CCDC30: variants seen among roughly 807,000 people sequenced by gnomAD.
CCDC30 encodes coiled-coil domain-containing protein 30.
A neutral mutation model predicts 100.2 loss-of-function variants in CCDC30; 70 were observed. The observed-to-expected ratio is 0.70, with a 90% confidence interval of 0.58 to 0.85. The LOEUF is 0.85. CCDC30 is among the 40% of genes least tolerant of loss of function. The pLI, the probability that CCDC30 is intolerant of heterozygous loss-of-function variation, is 0.00. For missense variants in CCDC30, 652 were observed against 771.2 expected, an observed-to-expected ratio of 0.85 and a Z score of 1.83; for synonymous variants, 233 against 269.5, an observed-to-expected ratio of 0.86 and a Z score of 1.33.
intron 6 of CCDC30, among the ~76,000 whole-genome samples, chr1:42,530,607 T>G (rs1014220072): frequency 2.0e-5 from 3 of 152,128 alleles, no homozygotes; most frequent in Admixed American, 2.0e-4. Context: ...GCCCAGGAGT[T>G]TGAGACTAGC....
At position 42,497,190 on chromosome 1, in the gene CCDC30, GA is replaced by G. The variant is rs896812189; in HGVS notation, c.341del (p.Lys114ArgfsTer47). 2.2e-5 allele frequency: 27 copies of G among 1,233,682 alleles called. No homozygotes were observed. The highest frequency in any genetic ancestry group is 4.2e-5 in the Admixed American group (1 of 23,690). 76.4% of individuals were successfully genotyped at this position (1,233,682 alleles called of 1,614,324 possible). On this transcript the variant is annotated frameshift_variant, in exon 5 of 17. Coordinates refer to ENST00000668663, the Ensembl canonical transcript of CCDC30. LOFTEE classifies it high-confidence loss of function. ...AAATAGGGTTCGATCACTTGACTCAGAAAAAAAGGTGCTTGGTGAAATGGTA... is the reference window on the plus strand; with the variant it reads ...AAATAGGGTTCGATCACTTGACTCAGAAAAAAGGTGCTTGGTGAAATGGTA...
At chr1:42,475,229 G>A (rs1388115955) in intron 1 of CCDC30, among the ~76,000 whole-genome samples, 3 of 152,138 alleles carry the variant, frequency 2.0e-5, no homozygotes, top group Non-Finnish European at 2.9e-5. Context: ...GGAAAGCTGA[G>A]TTTTCTGTTG....
chr1:42,536,926 A>G (rs1319620589), intron 6 of CCDC30: 4 of 359,556 alleles, frequency 1.1e-5, no homozygotes, highest in Non-Finnish European at 1.0e-5. Context: ...CACTAACCCT[A>G]TTGGATTAAG....
intron 11 of CCDC30, among the ~76,000 whole-genome samples, chr1:42,615,706 G>A (rs113759294): frequency 0.017 from 2,661 of 152,214 alleles, 72 homozygotes; most frequent in African/African-American, 0.061. Context: ...GTGACTTTTA[G>A]CAACAAGGAA....
At chr1:42,644,581 A>T (rs1647720859) in intron 13 of CCDC30, 112 bp from the exon 18 acceptor site, 1 of 652,042 alleles carries the variant, frequency 1.5e-6, no homozygotes, top group East Asian at 2.7e-5. Context: ...TTGCTTCTAA[A>T]ATCTGGACAG....
chr1:42,550,537 C>T (rs144659654), intron 6 of CCDC30, among the ~76,000 whole-genome samples: 1 of 152,322 alleles, frequency 6.6e-6, no homozygotes, highest in Non-Finnish European at 1.5e-5. Flanking sequence ...TTTCCTGCTT[C>T]AGGACCTTTG....
chr1:42,456,899 C>G, the CCDC30 span: 1 of 1,612,236 alleles, frequency 6.2e-7, no homozygotes, highest in East Asian at 2.2e-5. Context: ...GGGCCCAGCC[C>G]TTTCGGGCTT....
intron 1 of CCDC30, among the ~76,000 whole-genome samples, chr1:42,467,414 A>G (rs965628427): frequency 6.6e-6 from 1 of 152,226 alleles, no homozygotes. Context: ...TTAGAAAATG[A>G]TGAAAGAAGT....
intron 7 of CCDC30, 111 bp downstream of exon 11, chr1:42,566,586 C>G (rs1456217848): frequency 1.2e-6 from 1 of 826,892 alleles, no homozygotes; most frequent in Non-Finnish European, 1.9e-6. Context: ...AATATGTGGA[C>G]AATGTGAGCT....
chr1:42,545,182 A>AT (rs1186015282), intron 6 of CCDC30, among the ~76,000 whole-genome samples: 1 of 145,134 alleles, frequency 6.9e-6, no homozygotes, highest in Non-Finnish European at 1.5e-5. Context: ...AAAAAAAAAA[A>AT]AAAAAAGGGA....
chr1:42,540,667 A>ACC (rs1644994679), intron 6 of CCDC30, among the ~76,000 whole-genome samples: 1 of 128,988 alleles, frequency 7.8e-6, no homozygotes, highest in South Asian at 2.9e-4. Context: ...ACACACACAC[A>ACC]CATACACATA....
intron 6 of CCDC30, among the ~76,000 whole-genome samples, chr1:42,565,668 A>C (rs984571161): frequency 1.3e-5 from 2 of 152,234 alleles, no homozygotes; most frequent in Non-Finnish European, 2.9e-5. Context: ...CATATGATCT[A>C]GCAATTCCGC....
the CCDC30 span, chr1:42,457,374 GATCTAATCCCATATA>G: frequency 1.3e-6 from 2 of 1,590,706 alleles, no homozygotes; most frequent in African/African-American, 2.7e-5. Context: ...CTCTTCCAGA[GATCTAATCCCATATA>G]ACCAATCTTG....
At chr1:42,485,950 C>A (rs1466334442) in intron 3 of CCDC30, among the ~76,000 whole-genome samples, 1 of 152,088 alleles carries the variant, frequency 6.6e-6, no homozygotes, top group East Asian at 1.9e-4. Context: ...TACTTCATAC[C>A]CACTAGAATG....
intron 1 of CCDC30, among the ~76,000 whole-genome samples, chr1:42,466,631 A>G (rs1475596754): frequency 6.6e-6 from 1 of 150,468 alleles, no homozygotes; most frequent in Non-Finnish European, 1.5e-5. Context: ...GGCTCACTGC[A>G]GCCTCTGCCT....
chr1:42,469,321 G>C (rs1643690352), intron 1 of CCDC30, among the ~76,000 whole-genome samples: 1 of 152,232 alleles, frequency 6.6e-6, no homozygotes, highest in Non-Finnish European at 1.5e-5. Context: ...GTTTGAAACT[G>C]TAGTGAGCTA....
At chr1:42,560,597 C>T (rs12037689) in intron 6 of CCDC30, among the ~76,000 whole-genome samples, 7,400 of 152,122 alleles carry the variant, frequency 0.049, 288 homozygotes, top group East Asian at 0.15. Context: ...TCTCGAACAC[C>T]TGACCTCATG....
At chr1:42,503,567 G>A (rs565845754) in intron 6 of CCDC30, among the ~76,000 whole-genome samples, 70 of 152,304 alleles carry the variant, frequency 4.6e-4, no homozygotes, top group African/African-American at 1.5e-3. Context: ...TACTGTACAC[G>A]TGGCTGGCAA....
At chr1:42,652,419 CA>C (rs1648429775) in intron 15 of CCDC30, among the ~76,000 whole-genome samples, 2 of 152,274 alleles carry the variant, frequency 1.3e-5, no homozygotes, top group South Asian at 4.1e-4. Context: ...TCAATTCAAT[CA>C]TTCCATATTA....
Sources: allele counts gnomAD v4.1 joint callset (sites outside exome capture counted in the v4.1 genomes callset), GRCh38; gene constraint gnomAD v4.1.1; transcripts MANE v1.5; gene names NCBI Gene and HGNC (gene_info 2026-07-23, HGNC 2026-07-21).